Variants in YARS2 observed in about 807,000 individuals in gnomAD.
YARS2 encodes the protein tyrosine--tRNA ligase, mitochondrial.
YARS2 carries 38 observed loss-of-function variants against 45.0 expected under a neutral mutation model. That is an observed-to-expected ratio of 0.84 (90% CI 0.65 to 1.11). The LOEUF is 1.11. Ranked by LOEUF, YARS2 falls within the 50% of genes least tolerant of loss-of-function variation. The pLI is 0.00. For missense variants in YARS2, 602 were observed against 599.8 expected (o/e 1.00, Z -0.04); for synonymous variants, 287 against 245.1 (o/e 1.17, Z -1.60).
Position 32,755,253 on chromosome 12 carries a change from G to A in YARS2, c.622C>T (p.Leu208Phe), listed in dbSNP as rs780385787. 6.2e-7 allele frequency: 1 copy of A among 1,614,074 alleles called. No individual in the cohort carries two copies. The highest frequency in any genetic ancestry group is 1.1e-5 in the South Asian group (1 of 91,090). Residue 208 changes from leucine (L) to phenylalanine (F), a missense_variant, in exon 1 of 5, where the codon CTC becomes TTC. By Grantham distance (22) the Leu-to-Phe change is conservative (BLOSUM62 0). Transcript: ENST00000324868. Reference protein sequence around the residue: ...LLSRQSVQLRLKSPEGMSLAE... With the variant: ...LLSRQSVQLRFKSPEGMSLAE... Reference sequence around the variant, plus strand: ...AAGCTCATGCCCTCGGGGCTCTTGAGCCGCAGCTGCACGCTCTGCCGGCTC... The same window carrying A: ...AAGCTCATGCCCTCGGGGCTCTTGAACCGCAGCTGCACGCTCTGCCGGCTC...
At chr12:32,754,979 T>TA in intron 1 of YARS2, 117 bp downstream of exon 1, 1 of 1,364,994 alleles carries the variant, frequency 7.3e-7, no homozygotes, top group Non-Finnish European at 1.0e-6. Flanking sequence ...TTAATGGGGA[T>TA]AAAACCAACA....
In YARS2 at chr12:32,750,861, A is replaced by C. The variant is rs1207929029; in HGVS notation, c.961T>G (p.Phe321Val). 1 of 1,614,106 alleles carries C rather than the reference A, an allele frequency of 6.2e-7. No homozygotes were observed. Among genetic ancestry groups the C allele is most frequent in the Admixed American group, 1.7e-5 (1 of 60,030 alleles). ...DDSVERYLKL[F>V]TFLPLPEIDH... is the part of the protein sequence containing the mutation. ...ATCTCTGGAAGGGGCAGGAAAGTGA[A>C]CAGCTTCAGGTACCTTTGAGACAAA... is the stretch of plus-strand genomic sequence containing the variant. The change falls in exon 3 of 5, where the codon TTC (phenylalanine) becomes GTC (valine). Residue 321 changes from phenylalanine (F) to valine (V), a missense_variant. Physicochemically the swap from Phe to Val is conservative, Grantham distance 50 (BLOSUM62 -1). Transcript: ENST00000324868.
chr12:32,748,467 A>G (rs1227889863), intron 4 of YARS2, among the ~76,000 whole-genome samples: 2 of 147,586 alleles, frequency 1.4e-5, no homozygotes, highest in Non-Finnish European at 3.0e-5. Context: ...TATAATATTA[A>G]AAAAAAAAAT....
chr12:32,754,195 GACCTCCTAA>G, intron 1 of YARS2, 110 bp from the exon 2 acceptor site: 1 of 1,236,368 alleles, frequency 8.1e-7, no homozygotes, highest in Non-Finnish European at 1.2e-6. Flanking sequence ...AAACTTCCTT[GACCTCCTAA>G]ATCTGAATTC....
Position 32,755,717 on chromosome 12 carries a change from G to A in YARS2, c.158C>T (p.Pro53Leu). Residue 53 changes from proline (P) to leucine (L), a missense_variant, in exon 1 of 5, where the codon CCG (proline) becomes CTG (leucine). Pro to Leu is a moderately conservative substitution (Grantham distance 98, BLOSUM62 -3). Coordinates refer to ENST00000324868, the MANE Select transcript of YARS2 (RefSeq NM_001040436.3). ...GAGCTCTATTTTCGTCCCCGTCTCC[G>A]GGAAGAAGTCCTTGAACAGACCTCG... is the stretch of plus-strand genomic sequence containing the variant. ...KARGLFKDFF[P>L]ETGTKIELPE... The A allele has an allele frequency of 1.9e-6, 3 of 1,614,226 alleles. No individual in the cohort carries two copies. The highest frequency in any genetic ancestry group is 1.1e-5 in the South Asian group (1 of 91,090).
chr12:32,747,846 C>A (rs1336461561), intron 4 of YARS2, among the ~76,000 whole-genome samples: 1 of 151,962 alleles, frequency 6.6e-6, no homozygotes, highest in Admixed American at 6.6e-5. Context: ...GGAATTTACG[C>A]CTTGCAATCT....
chr12:32,755,143 T>C lies in YARS2; in HGVS notation c.732A>G (p.Gly244=). The C allele has an allele frequency of 6.2e-7, 1 of 1,614,152 alleles. No individual in the cohort carries two copies. The highest frequency in any genetic ancestry group is 8.5e-7 in the Non-Finnish European group (1 of 1,180,030). The stretch of plus-strand genomic sequence containing the variant: ...ACATGATGTTGCCTAGTTGATCAGA[T>C]CCGCCCAGCTGGACCCTGCATCCAT... The part of the protein sequence containing the change: ...QRYGCRVQLG[G]SDQLGNIMSG... The change falls in exon 1 of 5, where the codon GGA becomes GGG. Residue 244 remains glycine (G), a synonymous_variant. Coordinates refer to ENST00000324868, the MANE Select transcript of YARS2 (RefSeq NM_001040436.3).
chr12:32,753,793 G>A, intron 2 of YARS2, 125 bp downstream of exon 2: 1 of 1,266,492 alleles, frequency 7.9e-7, no homozygotes, highest in Non-Finnish European at 1.1e-6. Flanking sequence ...TGATGTAATG[G>A]TTTATGTACA....
chr12:32,753,366 A>G (rs987940060), intron 2 of YARS2, among the ~76,000 whole-genome samples: 10 of 152,256 alleles, frequency 6.6e-5, no homozygotes, highest in Admixed American at 2.0e-4. Flanking sequence ...GCTCAATAGC[A>G]TCTTTTAATA....
Position 32,755,132 on chromosome 12 carries a change from A to C in YARS2, c.743T>G (p.Leu248Arg). 1 of 1,614,196 alleles carries C rather than the reference A, an allele frequency of 6.2e-7. No individual in the cohort carries two copies. The highest frequency in any genetic ancestry group is 8.5e-7 in the Non-Finnish European group (1 of 1,180,032). Residue 248 changes from leucine to arginine, a missense_variant, in exon 1 of 5, where the codon CTA becomes CGA. Transcript: ENST00000324868. ...CRVQLGGSDQLGNIMSGYEFI... is the reference protein window; with the variant it reads ...CRVQLGGSDQRGNIMSGYEFI... Reference sequence around the variant, plus strand: ...CTCATATCCGGACATGATGTTGCCTAGTTGATCAGATCCGCCCAGCTGGAC... The same window carrying C: ...CTCATATCCGGACATGATGTTGCCTCGTTGATCAGATCCGCCCAGCTGGAC...
chr12:32,755,617 C>T lies in YARS2; in HGVS notation c.258G>A (p.Ser86=). 6.2e-7 allele frequency: 1 copy of T among 1,614,106 alleles called. No individual in the cohort carries two copies. Among genetic ancestry groups the T allele is most frequent in the Middle Eastern group, 1.6e-4 (1 of 6,062 alleles). Residue 86 remains serine (S), a synonymous_variant, in exon 1 of 5, where the codon TCG becomes TCA. Transcript: ENST00000324868. ...GCGCAAGTAGATGACCCACATGAAG[C>T]GAGTCTGCCGTGGGGTCGAAGCCAC... ...IYCGFDPTAD[S]LHVGHLLALL... is the part of the protein sequence containing the mutation.
chr12:32,754,054 C>T lies in YARS2; in HGVS notation c.811G>A (p.Val271Ile), dbSNP rs767756688. ...LTGEDVFGIT[V>I]PLITSTTGAK... is the part of the protein sequence containing the mutation. ...CCAGTTGTACTTGTAATTAGAGGAA[C>T]GGTGATTCCAAATACATCTTCTCCA... The change falls in exon 2 of 5, where the codon GTT becomes ATT. Residue 271 changes from valine to isoleucine, a missense_variant. Val to Ile is a conservative substitution (Grantham distance 29). Transcript: ENST00000324868. 9 of 1,614,056 alleles carry T rather than the reference C, an allele frequency of 5.6e-6. No individual in the cohort carries two copies. The highest frequency in any genetic ancestry group is 2.7e-5 in the African/African-American group (2 of 74,928).
chr12:32,751,429 T>C (rs1955742961), intron 2 of YARS2, among the ~76,000 whole-genome samples: 2 of 152,078 alleles, frequency 1.3e-5, no homozygotes, highest in Non-Finnish European at 2.9e-5. Context: ...CCAATCACAT[T>C]CCCTTCCTTG....
chr12:32,751,658 G>A (rs1289456833), intron 2 of YARS2, among the ~76,000 whole-genome samples: 3 of 152,158 alleles, frequency 2.0e-5, no homozygotes, highest in African/African-American at 7.2e-5. Context: ...GGGAGGGGAG[G>A]TGGTTTCAGA....
Position 32,747,246 on chromosome 12 carries a change from T to TAAA in YARS2, c.1391_1392insTTT (p.Ile464_Gly465insLeu). On this transcript the variant is annotated inframe_insertion, in exon 5 of 5. Transcript: ENST00000324868. ...TTATAATGTAGAAATTTCTTTTTCC[T>TAAA]ATTTTAAGTAAGGAAAGTCCATTCT... The TAAA allele has an allele frequency of 6.2e-7, 1 of 1,613,758 alleles. No homozygotes were observed. The highest frequency in any genetic ancestry group is 8.5e-7 in the Non-Finnish European group (1 of 1,179,908).
In YARS2 at chr12:32,750,270, C is replaced by T. The variant is rs543876265; in HGVS notation, c.1104-163G>A. 5.9e-5 allele frequency among the ~76,000 whole-genome samples: 9 copies of T among 152,208 alleles called. No homozygotes were observed. In the South Asian group the frequency reaches 6.2e-4, roughly 11 times the overall value. ...CGGCTGGATTGCAATGGCATGATCTCGGCTCACAGCAACCTCTGCCTCCCG... is the reference window on the plus strand; with the variant it reads ...CGGCTGGATTGCAATGGCATGATCTTGGCTCACAGCAACCTCTGCCTCCCG... On this transcript the variant is annotated intron_variant, in intron 3 of 4. Transcript: ENST00000324868.
chr12:32,750,804 G>T lies in YARS2; in HGVS notation c.1018C>A (p.Pro340Thr), dbSNP rs777714886. ...CGTTTCTGAGGACCCCGCCTTTCTG[G>T]CTCTTTGACATGCAGCTGCATGATA... ...DHIMQLHVKE[P>T]ERRGPQKRLA... The change falls in exon 3 of 5, where the codon CCA becomes ACA. Residue 340 changes from proline to threonine, a missense_variant. Pro to Thr is a conservative substitution (Grantham distance 38, BLOSUM62 -1). Coordinates refer to ENST00000324868, the MANE Select transcript of YARS2 (RefSeq NM_001040436.3). 3 of 1,614,096 alleles carry T rather than the reference G, an allele frequency of 1.9e-6. No homozygotes were observed. The highest frequency in any genetic ancestry group is 2.5e-6 in the Non-Finnish European group (3 of 1,180,016).
At chr12:32,749,436 T>C (rs114169125) in intron 4 of YARS2, among the ~76,000 whole-genome samples, 1,800 of 152,312 alleles carry the variant, frequency 0.012, 37 homozygotes, top group African/African-American at 0.041. Flanking sequence ...TACTGTACTA[T>C]TATAGAAAAT....
At chr12:32,752,576 G>A (rs1037069677) in intron 2 of YARS2, among the ~76,000 whole-genome samples, 2 of 151,690 alleles carry the variant, frequency 1.3e-5, no homozygotes, top group African/African-American at 2.4e-5. Context: ...CCAACATGGC[G>A]AAACCCTGCC....
Sources: allele counts gnomAD v4.1 joint callset (sites outside exome capture counted in the v4.1 genomes callset), GRCh38; gene constraint gnomAD v4.1.1; transcripts MANE v1.5; gene names NCBI Gene and HGNC (gene_info 2026-07-23, HGNC 2026-07-21).